The following PHF24 variants were observed in gnomAD, a reference collection of about 807,000 sequenced individuals.
PHF24 encodes the protein Galpha inhibitory interacting protein.
A neutral mutation model predicts 42.6 loss-of-function variants in PHF24; 25 were observed. The ratio of observed to expected loss-of-function variants is 0.59; its 90% CI spans 0.43 to 0.82. The LOEUF (loss-of-function observed/expected upper bound fraction) is 0.82, where lower values mean the gene tolerates loss of function less well. Among genes scored for constraint, PHF24 ranks in the 40% least tolerant of loss-of-function variants. The pLI is 0.00. For synonymous variants in PHF24, 185 were observed against 204.8 expected (o/e 0.90, Z 0.83); for missense variants, 470 against 538.1 (o/e 0.87, Z 1.25).
the PHF24 span, among the ~76,000 whole-genome samples, chr9:34,809,040 A>T: frequency 1.0e-4 from 11 of 107,378 alleles, no homozygotes; most frequent in African/African-American, 3.8e-4. This position sits in a 1 kb window ranked among gnomAD's most constrained non-coding sequence, Gnocchi z 4.1. Flanking sequence ...AGTATAATAA[A>T]AAAAAAAAAT....
the PHF24 span, among the ~76,000 whole-genome samples, chr9:34,806,414 G>A: frequency 6.6e-6 from 1 of 152,082 alleles, no homozygotes; most frequent in South Asian, 2.1e-4. Flanking sequence ...AGTTTTCAGA[G>A]TAAAAGTTTG....
chr9:34,938,667 C>T, the PHF24 span, among the ~76,000 whole-genome samples: 3 of 152,028 alleles, frequency 2.0e-5, no homozygotes, highest in Non-Finnish European at 2.9e-5. Context: ...CAGTGGCTCA[C>T]GCCTGTAATC....
At chr9:34,910,465 T>C in the PHF24 span, among the ~76,000 whole-genome samples, 1 of 152,224 alleles carries the variant, frequency 6.6e-6, no homozygotes, top group South Asian at 2.1e-4. Context: ...TCTCGCTACA[T>C]ACATACAAAA....
At chr9:34,933,740 AAAAC>A in the PHF24 span, among the ~76,000 whole-genome samples, 2 of 151,350 alleles carry the variant, frequency 1.3e-5, no homozygotes, top group Non-Finnish European at 2.9e-5. Flanking sequence ...AAAAAAAACA[AAAAC>A]AAAAAAACAT....
At chr9:34,727,120 G>A in the PHF24 span, 1 of 1,420,014 alleles carries the variant, frequency 7.0e-7, no homozygotes, top group Non-Finnish European at 9.2e-7. Context: ...TTGTCTACCT[G>A]TCTGCTTTCC....
the PHF24 span, chr9:34,894,629 T>C: frequency 2.5e-6 from 1 of 397,370 alleles, no homozygotes; most frequent in Non-Finnish European, 4.4e-6. Flanking sequence ...AAGTCACATC[T>C]GTGTATAACT....
At chr9:34,853,001 A>G in the PHF24 span, among the ~76,000 whole-genome samples, 3 of 152,180 alleles carry the variant, frequency 2.0e-5, no homozygotes, top group Admixed American at 2.0e-4. Context: ...TTTACCTGTG[A>G]TATCTGAATG....
At chr9:34,690,183 A>T in the PHF24 span, 4 of 1,613,034 alleles carry the variant, frequency 2.5e-6, no homozygotes, top group South Asian at 2.2e-5. Flanking sequence ...ACGGGAGATG[A>T]GGCTAGACAC....
the PHF24 span, among the ~76,000 whole-genome samples, chr9:34,772,154 T>C: frequency 2.6e-5 from 4 of 152,154 alleles, no homozygotes; most frequent in African/African-American, 9.7e-5. Context: ...TATAATGAAT[T>C]AAATTAAACT....
the PHF24 span, among the ~76,000 whole-genome samples, chr9:34,918,464 C>T: frequency 1.3e-5 from 2 of 150,802 alleles, no homozygotes; most frequent in Non-Finnish European, 2.9e-5. Flanking sequence ...TTGAAGCGTT[C>T]ATACCTATAA....
At chr9:34,912,169 G>T in the PHF24 span, among the ~76,000 whole-genome samples, 1 of 152,166 alleles carries the variant, frequency 6.6e-6, no homozygotes, top group Non-Finnish European at 1.5e-5. Flanking sequence ...CCAGAACCCT[G>T]AGAGAAAACC....
chr9:34,689,492 CT>C, the PHF24 span: 21,540 of 229,162 alleles, frequency 0.094, 15 homozygotes, highest in Middle Eastern at 0.13. The surrounding 1 kb of genome is among the most constrained non-coding windows in gnomAD (Gnocchi z 4.1). Context: ...TGCCAGGTGC[CT>C]TTTTTTTTTT....
the PHF24 span, among the ~76,000 whole-genome samples, chr9:34,729,665 A>G: frequency 6.6e-6 from 1 of 152,182 alleles, no homozygotes; most frequent in Admixed American, 6.5e-5. Context: ...AGGTGCCACA[A>G]GCAGTGTCTA....
the PHF24 span, among the ~76,000 whole-genome samples, chr9:34,822,602 G>T: frequency 6.6e-6 from 1 of 152,156 alleles, no homozygotes; most frequent in Admixed American, 6.5e-5. Context: ...TATGTGGTAG[G>T]GTTGTTATGT....
chr9:34,806,972 T>G, the PHF24 span, among the ~76,000 whole-genome samples: 5 of 152,316 alleles, frequency 3.3e-5, no homozygotes, highest in Admixed American at 3.3e-4. Context: ...ATTTTCTGTA[T>G]ACAAGATCAT....
At chr9:34,712,559 G>T in the PHF24 span, among the ~76,000 whole-genome samples, 1 of 151,782 alleles carries the variant, frequency 6.6e-6, no homozygotes, top group African/African-American at 2.4e-5. Context: ...CTAGTGAATT[G>T]TACATTTCAG....
At chr9:34,832,822 A>G in the PHF24 span, 39 of 1,551,518 alleles carry the variant, frequency 2.5e-5, 1 homozygote, top group South Asian at 4.4e-4. Flanking sequence ...GGGGCACCAC[A>G]GTCTGGGTAT....
the PHF24 span, among the ~76,000 whole-genome samples, chr9:34,820,356 A>G: frequency 6.6e-6 from 1 of 152,028 alleles, no homozygotes; most frequent in East Asian, 1.9e-4. Flanking sequence ...TAGTACTGAT[A>G]GGTAGTTTTT....
chr9:34,877,855 C>T, the PHF24 span, among the ~76,000 whole-genome samples: 4 of 152,148 alleles, frequency 2.6e-5, no homozygotes, highest in Admixed American at 1.3e-4. Flanking sequence ...AGGTATTTCT[C>T]TTAATGCTAT....
Sources: allele counts gnomAD v4.1 joint callset (sites outside exome capture counted in the v4.1 genomes callset), GRCh38; gene constraint gnomAD v4.1.1; non-coding constraint Gnocchi (gnomAD v3.1); transcripts MANE v1.5; gene names NCBI Gene and HGNC (gene_info 2026-07-23, HGNC 2026-07-21).